The following IQSEC1 variants were observed in gnomAD, a reference collection of about 807,000 sequenced individuals.
The protein encoded by IQSEC1 is IQ motif and SEC7 domain-containing protein 1.
Under a neutral mutation model 91.0 loss-of-function variants are expected in IQSEC1, and 31 were observed. That is an observed-to-expected ratio of 0.34 (90% CI 0.26 to 0.46). The LOEUF (loss-of-function observed/expected upper bound fraction) is 0.46. Among genes scored for constraint, IQSEC1 ranks in the 20% least tolerant of loss-of-function variants. The pLI is 1.00. For synonymous variants in IQSEC1, 699 were observed against 662.6 expected (o/e 1.05, Z -0.84); for missense variants, 1,388 against 1,575.6 (o/e 0.88, Z 2.02).
At chr3:13,185,193 C>A (rs1161501233) in intron 1 of IQSEC1, among the ~76,000 whole-genome samples, 1 of 152,168 alleles carries the variant, frequency 6.6e-6, no homozygotes, top group Non-Finnish European at 1.5e-5. Flanking sequence ...TGACCTTACG[C>A]AAGTGGCTTG....
chr3:13,185,892 C>G (rs776196013), intron 1 of IQSEC1, among the ~76,000 whole-genome samples: 1 of 152,262 alleles, frequency 6.6e-6, no homozygotes, highest in Non-Finnish European at 1.5e-5. Context: ...TCTCTTCATT[C>G]CTGTCCAGGG....
chr3:13,026,317 C>T (rs1319931414), intron 1 of IQSEC1, among the ~76,000 whole-genome samples: 3 of 152,236 alleles, frequency 2.0e-5, no homozygotes, highest in Non-Finnish European at 4.4e-5. Flanking sequence ...TCCCTTAACC[C>T]CATCCCACCC....
intron 1 of IQSEC1, among the ~76,000 whole-genome samples, chr3:13,197,940 C>A (rs1009416923): frequency 6.6e-6 from 1 of 152,196 alleles, no homozygotes; most frequent in African/African-American, 2.4e-5. Context: ...GAGCGTGGTG[C>A]CCGCGGCTTG....
rs540763494 is a variant in IQSEC1 at position 13,008,773 on chromosome 3, G to T, written c.23+64219C>A. Among the ~76,000 whole-genome samples the T allele has an allele frequency of 8.1e-4, 124 of 152,274 alleles. 1 individual carries two copies. Among genetic ancestry groups the T allele is most frequent in the African/African-American group, 2.7e-3 (112 of 41,556 alleles). On this transcript the variant is annotated intron_variant, in intron 1 of 13. Coordinates refer to ENST00000613206, the MANE Select transcript of IQSEC1 (RefSeq NM_001134382.3). This position sits in a 1 kb window ranked among gnomAD's most constrained non-coding sequence, Gnocchi z 4.1. ...GAGTTACTGATAGAACAACGCTCTT[G>T]ATCCGGCTCCAGGGCAGAAAGGGGA...
intron 1 of IQSEC1, among the ~76,000 whole-genome samples, chr3:13,062,953 C>T (rs890322457): frequency 2.6e-5 from 4 of 152,258 alleles, no homozygotes; most frequent in Admixed American, 6.5e-5. Context: ...CTGACAGGAC[C>T]TTCATCCTTC....
At position 12,901,379 on chromosome 3, in the gene IQSEC1, C is replaced by T. The variant is rs752070965; in HGVS notation, c.2949G>A (p.Gln983=). ...GGGCTGGGGCTGAGGGCAGGTGGGC[C>T]TGGGGAGGGGGCTTCCCTCTCTTGC... ...FGSKRGKPPP[Q]AHLPSAPALP... Residue 983 remains glutamine (Q), a synonymous_variant, in exon 14 of 14, where the codon CAG becomes CAA. Transcript: ENST00000613206. The T allele has an allele frequency of 1.5e-5, 23 of 1,540,018 alleles. No individual in the cohort carries two copies. Among genetic ancestry groups the T allele is most frequent in the Non-Finnish European group, 1.9e-5 (22 of 1,144,038 alleles).
At chr3:13,173,405 G>A (rs1015951345) in intron 1 of IQSEC1, among the ~76,000 whole-genome samples, 5 of 152,176 alleles carry the variant, frequency 3.3e-5, no homozygotes, top group Non-Finnish European at 7.3e-5. Flanking sequence ...GGGCTCCCCC[G>A]GGGGCCTTGC....
rs199999091 is a variant in IQSEC1 at position 12,922,230 on chromosome 3, G to A, written c.1743C>T (p.Asp581=). ...FNRDVLDCVV[D]EMDFSTMELD... ...GCTCCATGGTAGAGAAGTCCATCTC[G>A]TCCACGACGCAGCTGGAATAGAGAC... Residue 581 remains aspartate, a synonymous_variant, in exon 5 of 14, where the codon GAC becomes GAT. Transcript: ENST00000613206. The surrounding 1 kb of genome is among the most constrained non-coding windows in gnomAD (Gnocchi z 5.1). 115 of 1,591,918 alleles carry A rather than the reference G, an allele frequency of 7.2e-5. No homozygotes were observed. Among genetic ancestry groups the A allele is most frequent in the Non-Finnish European group, 9.0e-5 (105 of 1,164,756 alleles).
At chr3:12,936,807 C>A (rs772741271) in intron 2 of IQSEC1, 110 bp from the exon 3 acceptor site, 29 of 1,129,106 alleles carry the variant, frequency 2.6e-5, no homozygotes, top group Non-Finnish European at 3.3e-5. Context: ...TGGGAAGGTC[C>A]CAAAGTTGGT....
At chr3:13,088,465 C>A (rs1008693709) in intron 2 of IQSEC1, among the ~76,000 whole-genome samples, 22 of 151,856 alleles carry the variant, frequency 1.4e-4, no homozygotes, top group African/African-American at 4.8e-4. Flanking sequence ...CCCCCACCCA[C>A]TCACTCTCAC....
chr3:13,012,635 C>T (rs1428497773), intron 1 of IQSEC1, among the ~76,000 whole-genome samples: 3 of 152,296 alleles, frequency 2.0e-5, no homozygotes, highest in East Asian at 3.9e-4. Context: ...TGCTACATGC[C>T]GGGCACAGAG....
intron 1 of IQSEC1, among the ~76,000 whole-genome samples, chr3:13,033,230 T>G (rs1703912990): frequency 6.6e-6 from 1 of 152,136 alleles, no homozygotes; most frequent in African/African-American, 2.4e-5. Flanking sequence ...AGACAGCGTC[T>G]CCTGACGAGC....
intron 6 of IQSEC1, among the ~76,000 whole-genome samples, 169 bp from the exon 7 acceptor site, chr3:12,915,902 GTCC>G (rs1179953157): frequency 2.6e-5 from 4 of 152,192 alleles, no homozygotes; most frequent in Non-Finnish European, 4.4e-5. Flanking sequence ...AATTTCCTCA[GTCC>G]TCCTACCAGA....
chr3:13,185,543 A>G (rs568994439), intron 1 of IQSEC1, among the ~76,000 whole-genome samples: 56 of 152,320 alleles, frequency 3.7e-4, no homozygotes, highest in Non-Finnish European at 7.1e-4. Context: ...AAGCGTGACA[A>G]TGGCCAAAAC....
chr3:13,252,730 T>TTTTTTTTTTTG (rs60219953), intron 1 of IQSEC1, among the ~76,000 whole-genome samples: 9,884 of 150,684 alleles, frequency 0.066, 413 homozygotes, highest in African/African-American at 0.13. Context: ...TTTTTTTTGT[T>TTTTTTTTTTTG]TTTGTTTGTT....
intron 2 of IQSEC1, among the ~76,000 whole-genome samples, chr3:13,093,585 G>A (rs1705904669): frequency 2.0e-5 from 3 of 152,208 alleles, no homozygotes; most frequent in Admixed American, 2.0e-4. Flanking sequence ...CCACGAGGGA[G>A]GAGGTTATTC....
At position 12,901,114 on chromosome 3, in the gene IQSEC1, G is replaced by A. The variant is rs1307391575; in HGVS notation, c.3214C>T (p.His1072Tyr). 7.8e-6 allele frequency: 12 copies of A among 1,540,644 alleles called. No homozygotes were observed. The highest frequency in any genetic ancestry group is 2.4e-5 in the South Asian group (2 of 83,778). ...GGCAGCGGCGGGTGGCCGTGGGCAT[G>A]GGCCCCGTAGGCTGGGTGGCCCCCA... ...PHGGHPAYGAHAHGHPPLPSA... is the reference protein window; with the variant it reads ...PHGGHPAYGAYAHGHPPLPSA... The change falls in exon 14 of 14, where the codon CAT becomes TAT. Residue 1072 changes from histidine to tyrosine, a missense_variant. By Grantham distance (83) the His-to-Tyr change is moderately conservative. Around this residue, in one of 2 missense-constraint regions of IQSEC1, gnomAD observed 329 missense variants for 257.8 expected, o/e 1.28. Transcript: ENST00000613206.
chr3:13,187,285 G>A (rs754009861), intron 1 of IQSEC1, among the ~76,000 whole-genome samples: 5 of 152,146 alleles, frequency 3.3e-5, no homozygotes, highest in East Asian at 3.9e-4. Context: ...CCCACAGCAC[G>A]GCTGATGCCA....
chr3:13,190,737 C>A (rs1402210002), intron 1 of IQSEC1, among the ~76,000 whole-genome samples: 1 of 152,168 alleles, frequency 6.6e-6, no homozygotes, highest in Non-Finnish European at 1.5e-5. Flanking sequence ...ATAAGCCATT[C>A]TTTTCTAAAT....
Sources: allele counts gnomAD v4.1 joint callset (sites outside exome capture counted in the v4.1 genomes callset), GRCh38; gene constraint gnomAD v4.1.1; regional missense constraint gnomAD v4.1.1; non-coding constraint Gnocchi (gnomAD v3.1); transcripts MANE v1.5; gene names NCBI Gene and HGNC (gene_info 2026-07-23, HGNC 2026-07-21).